The following EXOC5 variants were observed in gnomAD, a reference collection of about 807,000 sequenced individuals.
EXOC5 encodes SEC10-like 1.
A neutral mutation model predicts 90.8 loss-of-function variants in EXOC5; 17 were observed. The ratio of observed to expected loss-of-function variants is 0.19; its 90% CI spans 0.13 to 0.28. EXOC5 has a LOEUF of 0.28. Ranked by LOEUF, EXOC5 falls within the 10% of genes least tolerant of loss-of-function variation. The probability of loss-of-function intolerance (pLI) is 1.00; values close to 1 mark genes in which losing one functional copy is unlikely to be tolerated. For missense variants in EXOC5, 569 were observed against 830.6 expected, an observed-to-expected ratio of 0.69 and a Z score of 3.87; for synonymous variants, 260 against 270.0, an observed-to-expected ratio of 0.96 and a Z score of 0.36.
chr14:57,223,299 A>G (rs1202355468), intron 12 of EXOC5, among the ~76,000 whole-genome samples: 1 of 152,004 alleles, frequency 6.6e-6, no homozygotes, highest in East Asian at 1.9e-4. Context: ...GACTTCTTAT[A>G]ATTGCTTTCT....
At chr14:57,248,711 T>C (rs1283698824) in intron 1 of EXOC5, among the ~76,000 whole-genome samples, 2 of 152,120 alleles carry the variant, frequency 1.3e-5, no homozygotes, top group Non-Finnish European at 2.9e-5. Context: ...CTTAAACTAG[T>C]TGGTGATTAC....
At chr14:57,246,956 C>G (rs1033331759) in intron 2 of EXOC5, 98 bp from the exon 3 acceptor site, 3 of 663,858 alleles carry the variant, frequency 4.5e-6, no homozygotes, top group African/African-American at 3.8e-5. Flanking sequence ...AAGAAGAGTT[C>G]CTTGAGCTTG....
In EXOC5 at chr14:57,221,854, C is replaced by T. The variant is rs181451606; in HGVS notation, c.1405+454G>A. 9.8e-4 allele frequency among the ~76,000 whole-genome samples: 149 copies of T among 152,176 alleles called. 1 individual carries two copies. Among genetic ancestry groups the T allele is most frequent in the African/African-American group, 3.4e-3 (142 of 41,534 alleles). ...AGACAACTGAATTAATGAGACGGGACTCAGGTCATTATTATGCTACCAATA... is the reference window on the plus strand; with the variant it reads ...AGACAACTGAATTAATGAGACGGGATTCAGGTCATTATTATGCTACCAATA... On this transcript the variant is annotated intron_variant, in intron 13 of 17. Coordinates refer to ENST00000621441, the MANE Select transcript of EXOC5 (RefSeq NM_006544.4).
In EXOC5 at chr14:57,209,856, T is replaced by C; in HGVS notation, c.1723-74A>G. ...GCTAAAGAGGAAATACAGTTTCTCA[T>C]TAATCTTTAAGTATAAAAGAAAAAA... On this transcript the variant is annotated intron_variant, in intron 16 of 17. Coordinates refer to ENST00000621441, the MANE Select transcript of EXOC5 (RefSeq NM_006544.4). 3.1e-6 allele frequency: 4 copies of C among 1,279,452 alleles called. No individual in the cohort carries two copies. In the Admixed American group the frequency reaches 6.8e-5, roughly 22 times the overall value. The allele number at this position is 1,279,452 out of a possible 1,614,324, so 79.3% of individuals were successfully genotyped here. A position where few individuals can be genotyped will look rare whatever the true frequency, so the allele number is the denominator to read the frequency against.
intron 1 of EXOC5, among the ~76,000 whole-genome samples, chr14:57,257,465 C>T (rs1884381873): frequency 6.6e-6 from 1 of 151,922 alleles, no homozygotes; most frequent in East Asian, 1.9e-4. Flanking sequence ...TTGAGATCTA[C>T]GAGGAAGAAA....
chr14:57,249,216 T>G (rs546508723), intron 1 of EXOC5, among the ~76,000 whole-genome samples: 2 of 152,246 alleles, frequency 1.3e-5, no homozygotes, highest in Admixed American at 1.3e-4. Context: ...CCAATTCAAT[T>G]TACAGTTGTG....
At chr14:57,255,116 G>C (rs1453148472) in intron 1 of EXOC5, among the ~76,000 whole-genome samples, 1 of 152,132 alleles carries the variant, frequency 6.6e-6, no homozygotes, top group Non-Finnish European at 1.5e-5. Flanking sequence ...CTGAGCACAT[G>C]AACAAAGCAG....
At position 57,268,878 on chromosome 14, in the gene EXOC5, C is replaced by A. The variant is rs1884794702; in HGVS notation, c.-230G>T. The A allele has an allele frequency of 1.1e-5, 13 of 1,166,098 alleles. No homozygotes were observed. The highest frequency in any genetic ancestry group is 1.4e-5 in the Non-Finnish European group (12 of 871,824). The allele number at this position is 1,166,098 out of a possible 1,614,324, so 72.2% of individuals were successfully genotyped here. On this transcript the variant is annotated 5_prime_UTR_variant, in exon 1 of 18. The change abolishes the stop of an existing upstream ORF in the 5' untranslated region. Coordinates refer to ENST00000621441, the MANE Select transcript of EXOC5 (RefSeq NM_006544.4). Reference sequence around the variant, plus strand: ...GCGCCGCCCGCGCTGCTCCCATTGTCACCGCCTCATACGCCGGAAGTGGAA... The same window carrying A: ...GCGCCGCCCGCGCTGCTCCCATTGTAACCGCCTCATACGCCGGAAGTGGAA...
At chr14:57,263,296 C>T (rs1275458678) in intron 1 of EXOC5, among the ~76,000 whole-genome samples, 1 of 152,090 alleles carries the variant, frequency 6.6e-6, no homozygotes, top group South Asian at 2.1e-4. Flanking sequence ...TACAATGAGA[C>T]CCCGTCCCTA....
chr14:57,238,219 TATATACAC>T (rs1883726501), intron 5 of EXOC5, among the ~76,000 whole-genome samples: 1 of 73,818 alleles, frequency 1.4e-5, no homozygotes, highest in Non-Finnish European at 2.8e-5. Context: ...ACTCCACATA[TATATACAC>T]ACACACACAC....
At position 57,251,451 on chromosome 14, in the gene EXOC5, G is replaced by A. The variant is rs139874025; in HGVS notation, c.28-3739C>T. On this transcript the variant is annotated intron_variant, in intron 1 of 17. Transcript: ENST00000621441. Reference sequence around the variant, plus strand: ...AGAGGATTTAAGTAAATGGATCAAAGAAGAAATTACAAGGGAAATTGTAAA... The same window carrying A: ...AGAGGATTTAAGTAAATGGATCAAAAAAGAAATTACAAGGGAAATTGTAAA... Among the ~76,000 whole-genome samples, 1,004 of 152,162 alleles carry A rather than the reference G, an allele frequency of 6.6e-3. 13 individuals are homozygous for A. Among genetic ancestry groups the A allele is most frequent in the African/African-American group, 0.023 (951 of 41,522 alleles).
chr14:57,235,071 G>A lies in EXOC5; in HGVS notation c.669+640C>T, dbSNP rs150586412. Among the ~76,000 whole-genome samples, 1,211 of 152,172 alleles carry A rather than the reference G, an allele frequency of 8.0e-3. 20 individuals carry two copies. Among genetic ancestry groups the A allele is most frequent in the African/African-American group, 0.027 (1,124 of 41,518 alleles). On this transcript the variant is annotated intron_variant, in intron 7 of 17. Coordinates refer to ENST00000621441, the MANE Select transcript of EXOC5 (RefSeq NM_006544.4). ...GGAAAGCAATATAAAGTGCACTACT[G>A]TCTCAAGAGCCATTCTCAATACTCA...
At chr14:57,256,878 T>A (rs1430449014) in intron 1 of EXOC5, among the ~76,000 whole-genome samples, 1 of 152,210 alleles carries the variant, frequency 6.6e-6, no homozygotes, top group Non-Finnish European at 1.5e-5. Context: ...CCATCAACAC[T>A]GCCACTGGAC....
chr14:57,215,719 G>GA (rs1187627091), intron 15 of EXOC5, among the ~76,000 whole-genome samples: 1 of 152,148 alleles, frequency 6.6e-6, no homozygotes, highest in Admixed American at 6.5e-5. Flanking sequence ...ATCAAAGTGT[G>GA]AAAAGCTCAA....
chr14:57,236,118 C>T (rs1594666243), intron 6 of EXOC5, among the ~76,000 whole-genome samples: 1 of 151,986 alleles, frequency 6.6e-6, no homozygotes, highest in East Asian at 1.9e-4. Flanking sequence ...CCTCCAGATG[C>T]TATTTCTGAT....
At chr14:57,251,543 G>C (rs578187211) in intron 1 of EXOC5, among the ~76,000 whole-genome samples, 7 of 152,004 alleles carry the variant, frequency 4.6e-5, no homozygotes, top group Admixed American at 2.0e-4. Context: ...CAGTGCTAAG[G>C]AGTAAATTTG....
intron 12 of EXOC5, among the ~76,000 whole-genome samples, chr14:57,227,388 T>TTA (rs1883340564): frequency 6.6e-6 from 1 of 152,218 alleles, no homozygotes; most frequent in African/African-American, 2.4e-5. Context: ...GTTGTATAGT[T>TTA]TTCTACTGTA....
At chr14:57,228,161 T>A (rs1883367307) in intron 12 of EXOC5, among the ~76,000 whole-genome samples, 1 of 152,128 alleles carries the variant, frequency 6.6e-6, no homozygotes. Flanking sequence ...AGATACCATC[T>A]CACGCCAGTT....
At chr14:57,233,614 T>C (rs915689642) in intron 9 of EXOC5, 129 bp downstream of exon 9, 3 of 600,738 alleles carry the variant, frequency 5.0e-6, no homozygotes, top group Non-Finnish European at 2.9e-6. Context: ...GATTCCTTTC[T>C]CCTTAACTAG....
Sources: allele counts gnomAD v4.1 joint callset (sites outside exome capture counted in the v4.1 genomes callset), GRCh38; gene constraint gnomAD v4.1.1; transcripts MANE v1.5; gene names NCBI Gene and HGNC (gene_info 2026-07-23, HGNC 2026-07-21).